SORCS3: variants seen among roughly 807,000 people sequenced by gnomAD.
SORCS3 encodes the protein sortilin related VPS10 domain containing receptor 3.
A neutral mutation model predicts 146.3 loss-of-function variants in SORCS3; 57 were observed. That is an observed-to-expected ratio of 0.39 (90% CI 0.31 to 0.49). SORCS3 has a LOEUF of 0.49. Ranked by LOEUF, SORCS3 falls within the 20% of genes least tolerant of loss-of-function variation. The probability of loss-of-function intolerance (pLI) is 0.92; values close to 1 mark genes in which losing one functional copy is unlikely to be tolerated. For missense variants in SORCS3, 1,341 were observed against 1,575.5 expected (o/e 0.85, Z 2.52); for synonymous variants, 653 against 618.5 (o/e 1.06, Z -0.83).
chr10:104,683,494 T>C (rs1037038793), intron 1 of SORCS3, among the ~76,000 whole-genome samples: 1 of 152,182 alleles, frequency 6.6e-6, no homozygotes, highest in Non-Finnish European at 1.5e-5. Context: ...ATTTTTGCCC[T>C]CAGCATGAAG....
intron 22 of SORCS3, among the ~76,000 whole-genome samples, chr10:105,251,421 C>G (rs757534282): frequency 6.6e-6 from 1 of 152,142 alleles, no homozygotes; most frequent in Middle Eastern, 3.4e-3. Context: ...GGACACAAAG[C>G]GTAACCATAT....
intron 2 of SORCS3, among the ~76,000 whole-genome samples, chr10:104,862,534 CT>C (rs2018416199): frequency 6.6e-6 from 1 of 151,404 alleles, no homozygotes; most frequent in Non-Finnish European, 1.5e-5. Flanking sequence ...AAACTTTTTT[CT>C]TCCAGTTTGT....
At chr10:105,137,816 G>T (rs1315207490) in intron 7 of SORCS3, among the ~76,000 whole-genome samples, 4 of 150,438 alleles carry the variant, frequency 2.7e-5, no homozygotes, top group South Asian at 4.2e-4. Context: ...TATTGATCTA[G>T]TTTCTGGGTT....
intron 4 of SORCS3, among the ~76,000 whole-genome samples, chr10:105,004,869 C>T (rs1196102689): frequency 6.6e-6 from 1 of 152,038 alleles, no homozygotes; most frequent in Non-Finnish European, 1.5e-5. Flanking sequence ...TATCAAGTCT[C>T]CCCTTCCCTT....
intron 1 of SORCS3, among the ~76,000 whole-genome samples, chr10:104,842,573 C>T (rs1387828903): frequency 2.0e-5 from 3 of 152,158 alleles, no homozygotes; most frequent in African/African-American, 4.8e-5. Flanking sequence ...CAAGCACTGT[C>T]AGGATTAAAA....
chr10:104,757,864 C>A (rs868306666), intron 1 of SORCS3, among the ~76,000 whole-genome samples: 1,749 of 59,640 alleles, frequency 0.029, 31 homozygotes, highest in African/African-American at 0.1. Flanking sequence ...ACCACCCCCC[C>A]CCCCACACCC....
chr10:105,202,005 C>A (rs1352418123), intron 16 of SORCS3, among the ~76,000 whole-genome samples: 1 of 152,112 alleles, frequency 6.6e-6, no homozygotes, highest in African/African-American at 2.4e-5. Context: ...CAGATCCAGG[C>A]CATCTGCAAG....
Position 104,724,510 on chromosome 10 carries a change from T to C in SORCS3, c.627+82556T>C, listed in dbSNP as rs2016598087. Among the ~76,000 whole-genome samples the C allele has an allele frequency of 2.0e-5, 3 of 152,192 alleles. 1 individual carries two copies. In the South Asian group the frequency reaches 6.2e-4, roughly 32 times the overall value. On this transcript the variant is annotated intron_variant, in intron 1 of 26. Coordinates refer to ENST00000369701, the MANE Select transcript of SORCS3 (RefSeq NM_014978.3). Reference sequence around the variant, plus strand: ...TGGCGTTCTCTGTATTTCCTGAATCTGAATGTTGGCCTGCCTTACTAGATT... The same window carrying C: ...TGGCGTTCTCTGTATTTCCTGAATCCGAATGTTGGCCTGCCTTACTAGATT...
chr10:104,919,125 G>T (rs2019060840), intron 3 of SORCS3, among the ~76,000 whole-genome samples: 1 of 152,176 alleles, frequency 6.6e-6, no homozygotes, highest in African/African-American at 2.4e-5. Context: ...CTGGCACGGG[G>T]ATACCACCTC....
intron 1 of SORCS3, among the ~76,000 whole-genome samples, chr10:104,708,942 G>A (rs138416592): frequency 2.5e-4 from 38 of 152,312 alleles, no homozygotes; most frequent in East Asian, 2.3e-3. Context: ...AGAGGGCTGC[G>A]CCTGCTATTA....
At chr10:104,975,256 T>C (rs2054888256) in intron 3 of SORCS3, among the ~76,000 whole-genome samples, 1 of 152,124 alleles carries the variant, frequency 6.6e-6, no homozygotes, top group African/African-American at 2.4e-5. Flanking sequence ...AGCATTCTTA[T>C]ACACCAATAA....
At chr10:104,817,262 G>A (rs190902994) in intron 1 of SORCS3, among the ~76,000 whole-genome samples, 2 of 152,190 alleles carry the variant, frequency 1.3e-5, no homozygotes, top group East Asian at 1.9e-4. Flanking sequence ...CCTAATAAGG[G>A]CTGCTGACAC....
intron 3 of SORCS3, among the ~76,000 whole-genome samples, chr10:104,975,893 C>A (rs1021533097): frequency 1.3e-5 from 2 of 152,184 alleles, no homozygotes; most frequent in Non-Finnish European, 2.9e-5. Flanking sequence ...TTCCTTACAC[C>A]TTATACAAAA....
intron 1 of SORCS3, among the ~76,000 whole-genome samples, chr10:104,687,301 T>TA (rs1316339270): frequency 1.2e-4 from 18 of 152,212 alleles, no homozygotes; most frequent in Non-Finnish European, 1.8e-4. Context: ...GGGTGCTGCC[T>TA]AATATACTTT....
chr10:104,821,896 T>C (rs1589512318), intron 1 of SORCS3, among the ~76,000 whole-genome samples: 1 of 152,124 alleles, frequency 6.6e-6, no homozygotes, highest in East Asian at 1.9e-4. Context: ...CATTCCAGAT[T>C]CTGAAGCAGA....
chr10:105,004,823 G>A (rs2055084523), intron 4 of SORCS3, among the ~76,000 whole-genome samples: 3 of 144,532 alleles, frequency 2.1e-5, no homozygotes, highest in Admixed American at 7.0e-5. Flanking sequence ...GAAGTGGGGG[G>A]CGGGGGGAGT....
chr10:105,070,159 G>C (rs1278688125), intron 5 of SORCS3, among the ~76,000 whole-genome samples: 3 of 152,182 alleles, frequency 2.0e-5, no homozygotes, highest in Non-Finnish European at 2.9e-5. Flanking sequence ...CCCGAGTTCT[G>C]CTCCATTTAA....
chr10:104,733,352 AT>A (rs112864049), intron 1 of SORCS3, among the ~76,000 whole-genome samples: 2 of 151,220 alleles, frequency 1.3e-5, no homozygotes, highest in African/African-American at 2.4e-5. Context: ...ATCTTTGATA[AT>A]TTTTTTTTAT....
In SORCS3 at chr10:105,062,957, T is replaced by C. The variant is rs144493573; in HGVS notation, c.1028+19829T>C. 3.3e-5 allele frequency among the ~76,000 whole-genome samples: 5 copies of C among 152,246 alleles called. No homozygotes were observed. The East Asian group carries it at 9.7e-4, about 29-fold the overall frequency. On this transcript the variant is annotated intron_variant, in intron 5 of 26. Transcript: ENST00000369701. ...GGCTTGTCACCTCACGTATGGTTGC[T>C]GAACTAGGAAGTGGGTGGAACGAAA...
Sources: allele counts gnomAD v4.1 joint callset (sites outside exome capture counted in the v4.1 genomes callset), GRCh38; gene constraint gnomAD v4.1.1; transcripts MANE v1.5; gene names NCBI Gene and HGNC (gene_info 2026-07-23, HGNC 2026-07-21).